Variants in FREM3 observed in about 807,000 individuals in gnomAD.
FREM3 encodes FRAS1 related extracellular matrix 3, also known as FRAS1-related extracellular matrix protein 3.
FREM3 carries 105 observed loss-of-function variants against 129.1 expected under a neutral mutation model. The observed-to-expected ratio is 0.81, with a 90% CI of 0.69 to 0.96. The LOEUF is 0.96. FREM3 is among the 40% of genes least tolerant of loss of function. The pLI, the probability that FREM3 is intolerant of heterozygous loss-of-function variation, is 0.00. For missense variants in FREM3, 2,593 were observed against 2,666.3 expected, an observed-to-expected ratio of 0.97 and a Z score of 0.61; for synonymous variants, 1,014 against 1,044.9, an observed-to-expected ratio of 0.97 and a Z score of 0.57.
intron 6 of FREM3, among the ~76,000 whole-genome samples, chr4:143,597,790 A>G (rs2149836761): frequency 6.6e-6 from 1 of 152,368 alleles, no homozygotes; most frequent in East Asian, 1.9e-4. Flanking sequence ...ACAAATGGAA[A>G]GACATCCTGT....
In FREM3 at chr4:143,589,175, G is replaced by A. The variant is rs536935704; in HGVS notation, c.6029-3182C>T. On this transcript the variant is annotated intron_variant, in intron 6 of 7. Transcript: ENST00000329798. ...AGATGAGTAGGTTGCAAAAATTTTCGCCCATTCTGTAGGTTGCCTGTTCAC... is the reference window on the plus strand; with the variant it reads ...AGATGAGTAGGTTGCAAAAATTTTCACCCATTCTGTAGGTTGCCTGTTCAC... 5.1e-3 allele frequency among the ~76,000 whole-genome samples: 772 copies of A among 152,116 alleles called. 9 individuals carry two copies. Among genetic ancestry groups the A allele is most frequent in the African/African-American group, 0.018 (740 of 41,472 alleles).
At chr4:143,633,984 G>C (rs1025270632) in intron 2 of FREM3, among the ~76,000 whole-genome samples, 5 of 152,156 alleles carry the variant, frequency 3.3e-5, no homozygotes, top group Non-Finnish European at 7.4e-5. Flanking sequence ...GAGATGACTA[G>C]CTCTGAGAGT....
chr4:143,614,738 C>T (rs753559505), intron 5 of FREM3, among the ~76,000 whole-genome samples: 6 of 152,222 alleles, frequency 3.9e-5, no homozygotes, highest in Non-Finnish European at 8.8e-5. Context: ...GTGATGTGCT[C>T]TCCAAACAAG....
intron 7 of FREM3, 110 bp from the exon 8 acceptor site, chr4:143,577,962 A>G (rs972069571): frequency 9.4e-6 from 11 of 1,168,660 alleles, no homozygotes; most frequent in Admixed American, 2.7e-5. Context: ...TTTGTACCCA[A>G]CACTCTCAGG....
chr4:143,680,183 T>C (rs1327272294), intron 2 of FREM3, among the ~76,000 whole-genome samples: 1 of 151,670 alleles, frequency 6.6e-6, no homozygotes, highest in Non-Finnish European at 1.5e-5. Context: ...AAACCTATCT[T>C]AACATCTTGC....
chr4:143,627,786 AG>A, intron 2 of FREM3, 26 bp from the exon 3 acceptor site: 1 of 1,494,610 alleles, frequency 6.7e-7, no homozygotes, highest in Non-Finnish European at 9.0e-7. Flanking sequence ...GCAAAGGAAA[AG>A]TCAGCTGGAG....
At chr4:143,649,583 G>C (rs532397330) in intron 2 of FREM3, among the ~76,000 whole-genome samples, 34 of 152,100 alleles carry the variant, frequency 2.2e-4, no homozygotes, top group African/African-American at 8.2e-4. Context: ...TTGATGATAG[G>C]TAGACCTTCC....
chr4:143,586,269 A>T (rs949704119), intron 6 of FREM3, among the ~76,000 whole-genome samples: 9 of 152,192 alleles, frequency 5.9e-5, no homozygotes, highest in African/African-American at 2.2e-4. Flanking sequence ...TCCATTACAT[A>T]GAAGAGATTT....
chr4:143,618,497 C>A (rs1475302695), intron 5 of FREM3, among the ~76,000 whole-genome samples: 2 of 152,094 alleles, frequency 1.3e-5, no homozygotes, highest in Non-Finnish European at 2.9e-5. Flanking sequence ...TTGACTCTTG[C>A]ATATCTCTTG....
At chr4:143,637,014 A>C (rs1043367783) in intron 2 of FREM3, among the ~76,000 whole-genome samples, 2 of 152,170 alleles carry the variant, frequency 1.3e-5, no homozygotes, top group Admixed American at 1.3e-4. Context: ...AAATAGCTTC[A>C]TTGTCATAAG....
In FREM3 at chr4:143,577,352, G is replaced by T; in HGVS notation, c.*259C>A. ...ATTGATCACAGTGGATTTCTTACTT[G>T]CCTCAGAAACAAAGTAAAACAAAAT... is the stretch of plus-strand genomic sequence containing the variant. On this transcript the variant is annotated 3_prime_UTR_variant, in exon 8 of 8. Coordinates refer to ENST00000329798, the MANE Select transcript of FREM3 (RefSeq NM_001168235.2). 1 of 483,102 alleles carries T rather than the reference G, an allele frequency of 2.1e-6. No homozygotes were observed. The highest frequency in any genetic ancestry group is 2.0e-5 in the African/African-American group (1 of 51,162). 29.9% of individuals were successfully genotyped at this position (483,102 alleles called of 1,614,324 possible).
At chr4:143,661,616 G>A (rs1739725497) in intron 2 of FREM3, among the ~76,000 whole-genome samples, 1 of 151,974 alleles carries the variant, frequency 6.6e-6, no homozygotes, top group Non-Finnish European at 1.5e-5. Flanking sequence ...AATGAGTTAG[G>A]GAGGATTCCC....
At chr4:143,648,121 G>T (rs780364708) in intron 2 of FREM3, among the ~76,000 whole-genome samples, 5 of 152,220 alleles carry the variant, frequency 3.3e-5, no homozygotes, top group Non-Finnish European at 7.3e-5. Context: ...TTTAAGATTT[G>T]ACTGCCCTGC....
intron 6 of FREM3, among the ~76,000 whole-genome samples, chr4:143,595,725 A>C (rs1469545517): frequency 6.6e-6 from 1 of 152,008 alleles, no homozygotes; most frequent in Non-Finnish European, 1.5e-5. Context: ...GTCTCTACTA[A>C]AAATACAAAA....
intron 2 of FREM3, among the ~76,000 whole-genome samples, chr4:143,632,396 A>G (rs1229966219): frequency 3.9e-5 from 6 of 152,158 alleles, no homozygotes; most frequent in African/African-American, 1.2e-4. Flanking sequence ...ATATTTGATA[A>G]GAGATTGGGG....
Position 143,699,752 on chromosome 4 carries a change from GCTGGGC to G in FREM3, c.918_923del (p.Arg306_Pro307del), listed in dbSNP as rs895589499. ...CCTCCATCATCATCGTGGCCATGAA[GCTGGGC>G]CTGGGCGGTGTGTTCTCGGCTCCGC... On this transcript the variant is annotated inframe_deletion, in exon 1 of 8. Coordinates refer to ENST00000329798, the MANE Select transcript of FREM3 (RefSeq NM_001168235.2). This position sits in a 1 kb window ranked among gnomAD's most constrained non-coding sequence, Gnocchi z 4.2. 9 of 1,521,846 alleles carry G rather than the reference GCTGGGC, an allele frequency of 5.9e-6. No homozygotes were observed. Among genetic ancestry groups the G allele is most frequent in the Non-Finnish European group, 7.9e-6 (9 of 1,138,148 alleles). 94.3% of individuals were successfully genotyped at this position (1,521,846 alleles called of 1,614,324 possible). A position where few individuals can be genotyped will look rare whatever the true frequency, so the allele number is the denominator to read the frequency against.
intron 2 of FREM3, among the ~76,000 whole-genome samples, chr4:143,668,996 A>G (rs996185533): frequency 6.6e-6 from 1 of 152,202 alleles, no homozygotes; most frequent in Admixed American, 6.5e-5. Flanking sequence ...GCAGACACTG[A>G]AGAATGTCTG....
intron 4 of FREM3, among the ~76,000 whole-genome samples, chr4:143,622,591 G>A (rs1738971207): frequency 6.6e-6 from 1 of 152,046 alleles, no homozygotes; most frequent in African/African-American, 2.4e-5. Context: ...GAAAAGACCA[G>A]TGATAGTTTT....
chr4:143,698,607 ATG>A lies in FREM3; in HGVS notation c.2067_2068del (p.Ile690PhefsTer42). On this transcript the variant is annotated frameshift_variant, in exon 1 of 8. Coordinates refer to ENST00000329798, the MANE Select transcript of FREM3 (RefSeq NM_001168235.2). LOFTEE classifies it high-confidence loss of function. ...CACTGGTTGGACCTTGATGGTGAAA[ATG>A]TGCTGTTTGGAGAGATTGGGTGGGT... The A allele has an allele frequency of 6.5e-7, 1 of 1,537,800 alleles. No individual in the cohort carries two copies. Among genetic ancestry groups the A allele is most frequent in the Non-Finnish European group, 8.7e-7 (1 of 1,147,042 alleles).
Sources: allele counts gnomAD v4.1 joint callset (sites outside exome capture counted in the v4.1 genomes callset), GRCh38; gene constraint gnomAD v4.1.1; non-coding constraint Gnocchi (gnomAD v3.1); transcripts MANE v1.5; gene names NCBI Gene and HGNC (gene_info 2026-07-23, HGNC 2026-07-21).